PRTFDC1: variants seen among roughly 807,000 people sequenced by gnomAD.
The protein encoded by PRTFDC1 is phosphoribosyltransferase domain-containing protein 1.
In PRTFDC1, 38 loss-of-function variants were observed where a neutral mutation model predicts 34.6. That is an observed-to-expected ratio of 1.10 (90% CI 0.85 to 1.44). PRTFDC1 has a LOEUF of 1.44. PRTFDC1 is among the 40% of genes most tolerant of loss of function. PRTFDC1 has a pLI of 0.00. For synonymous variants in PRTFDC1, 93 were observed against 98.1 expected, an observed-to-expected ratio of 0.95 and a Z score of 0.31; for missense variants, 270 against 283.0, an observed-to-expected ratio of 0.95 and a Z score of 0.33.
At chr10:24,860,166 G>A (rs1847653302) in intron 4 of PRTFDC1, among the ~76,000 whole-genome samples, 1 of 152,132 alleles carries the variant, frequency 6.6e-6, no homozygotes, top group Non-Finnish European at 1.5e-5. Flanking sequence ...GATCACCTGA[G>A]GTCAGGAGTT....
At chr10:24,950,867 C>T (rs987924104) in intron 1 of PRTFDC1, among the ~76,000 whole-genome samples, 24 of 152,168 alleles carry the variant, frequency 1.6e-4, no homozygotes, top group African/African-American at 5.8e-4. Context: ...TGATGACTTC[C>T]AAATCTCTCC....
chr10:24,907,587 C>A (rs1428322078), intron 3 of PRTFDC1, among the ~76,000 whole-genome samples: 2 of 152,180 alleles, frequency 1.3e-5, no homozygotes, highest in Non-Finnish European at 2.9e-5. Context: ...CAGAGTGAGA[C>A]TCTGTCTCAA....
In PRTFDC1 at chr10:24,895,688, GATATATATATATATAT is replaced by G. The variant is rs762084915; in HGVS notation, c.340-23641_340-23626del. On this transcript the variant is annotated intron_variant, in intron 3 of 8. Transcript: ENST00000320152. ...ACCTAGGAGGGCAAGAGCTGGGGTG[GATATATATATATATAT>G]ATATATATATATATATATATATATC... Among the ~76,000 whole-genome samples, 472 of 47,414 alleles carry G rather than the reference GATATATATATATATAT, an allele frequency of 1.0e-2. 7 individuals are homozygous for G. Among genetic ancestry groups the G allele is most frequent in the African/African-American group, 0.02 (281 of 14,034 alleles). 31.1% of individuals were successfully genotyped at this position (47,414 alleles called of 152,430 possible). A position where few individuals can be genotyped will look rare whatever the true frequency, so the allele number is the denominator to read the frequency against.
In PRTFDC1 at chr10:24,945,133, A is replaced by C. The variant is rs545402628; in HGVS notation, c.49-2697T>G. 3.3e-5 allele frequency among the ~76,000 whole-genome samples: 5 copies of C among 152,246 alleles called. No homozygotes were observed. The South Asian group carries it at 1.0e-3, about 32-fold the overall frequency. ...TGCAAAGACGCCTTCCCTGACCTTC[A>C]TAGCCTGTTTTACCACTGGATGATG... On this transcript the variant is annotated intron_variant, in intron 1 of 8. Coordinates refer to ENST00000320152, the MANE Select transcript of PRTFDC1 (RefSeq NM_020200.7).
chr10:24,915,619 G>A (rs1848682985), intron 3 of PRTFDC1, among the ~76,000 whole-genome samples: 1 of 152,176 alleles, frequency 6.6e-6, no homozygotes, highest in South Asian at 2.1e-4. Flanking sequence ...CCCTTATCAA[G>A]GTCAACAACA....
rs578079021 is a variant in PRTFDC1, at chr10:24,879,491, G to A, written c.340-7428C>T. On this transcript the variant is annotated intron_variant, in intron 3 of 8. Transcript: ENST00000320152. ...CCCAAGTAACTGGGATTACAGGTGCGTGCCACCATGCCCGGCTGATTTTTT... is the reference window on the plus strand; with the variant it reads ...CCCAAGTAACTGGGATTACAGGTGCATGCCACCATGCCCGGCTGATTTTTT... 5.3e-5 allele frequency among the ~76,000 whole-genome samples: 8 copies of A among 152,122 alleles called. No homozygotes were observed. In the East Asian group the frequency reaches 1.2e-3, roughly 22 times the overall value.
At chr10:24,922,415 T>C (rs1295574209) in intron 3 of PRTFDC1, among the ~76,000 whole-genome samples, 1 of 152,232 alleles carries the variant, frequency 6.6e-6, no homozygotes, top group African/African-American at 2.4e-5. Context: ...CCTTGAATTG[T>C]AATAATCTCC....
intron 3 of PRTFDC1, among the ~76,000 whole-genome samples, chr10:24,936,289 CT>C (rs965013720): frequency 5.7e-4 from 82 of 145,086 alleles, no homozygotes; most frequent in Admixed American, 6.9e-4. Context: ...GAAACAACAG[CT>C]TTTTTTTTTT....
At chr10:24,942,615 T>C (rs1849181422) in intron 1 of PRTFDC1, among the ~76,000 whole-genome samples, 179 bp from the exon 2 acceptor site, 1 of 152,208 alleles carries the variant, frequency 6.6e-6, no homozygotes, top group African/African-American at 2.4e-5. Flanking sequence ...GAGCACTCCA[T>C]TCCCAACTAT....
At chr10:24,871,203 G>A (rs796318922) in intron 4 of PRTFDC1, among the ~76,000 whole-genome samples, 41 of 151,914 alleles carry the variant, frequency 2.7e-4, no homozygotes, top group African/African-American at 9.7e-4. Flanking sequence ...ACAAGTATGA[G>A]AGATTAAGCT....
Position 24,887,213 on chromosome 10 carries a change from A to G in PRTFDC1, c.340-15150T>C, listed in dbSNP as rs535445621. 2.4e-4 allele frequency among the ~76,000 whole-genome samples: 35 copies of G among 144,050 alleles called. No homozygotes were observed. The East Asian group carries it at 2.5e-3, about 10-fold the overall frequency. The allele number at this position is 144,050 out of a possible 152,430, so 94.5% of individuals were successfully genotyped here. A position where few individuals can be genotyped will look rare whatever the true frequency, so the allele number is the denominator to read the frequency against. On this transcript the variant is annotated intron_variant, in intron 3 of 8. Coordinates refer to ENST00000320152, the MANE Select transcript of PRTFDC1 (RefSeq NM_020200.7). ...TCTCGATCTCCTGACCTCATGATCC[A>G]CCCGCCTCGGCCTCCCAAAGTGCTG...
intron 1 of PRTFDC1, among the ~76,000 whole-genome samples, chr10:24,950,334 A>G (rs1255371053): frequency 6.6e-6 from 1 of 152,072 alleles, no homozygotes; most frequent in African/African-American, 2.4e-5. Context: ...TATTTGCATT[A>G]TACTTCCTGG....
chr10:24,951,741 A>G (rs903536934), intron 1 of PRTFDC1: 1 of 363,812 alleles, frequency 2.7e-6, no homozygotes, highest in African/African-American at 2.2e-5. Flanking sequence ...CGTGGCCACA[A>G]GGTCAAGAAC....
chr10:24,872,806 ATTTTTTT>A (rs66588467), intron 3 of PRTFDC1, among the ~76,000 whole-genome samples: 2 of 117,650 alleles, frequency 1.7e-5, no homozygotes, highest in African/African-American at 7.2e-5. Context: ...ATATATATAT[ATTTTTTT>A]TTTTTTTTTT....
intron 3 of PRTFDC1, among the ~76,000 whole-genome samples, chr10:24,883,101 A>G (rs1040846363): frequency 1.3e-5 from 2 of 148,324 alleles, no homozygotes. Context: ...GAATATAAAT[A>G]TAAATGTATT....
At chr10:24,884,630 A>T (rs1001220851) in intron 3 of PRTFDC1, among the ~76,000 whole-genome samples, 3 of 152,222 alleles carry the variant, frequency 2.0e-5, no homozygotes, top group African/African-American at 4.8e-5. Context: ...TTCTTTAGAA[A>T]GTTCTGTAAC....
intron 7 of PRTFDC1, among the ~76,000 whole-genome samples, chr10:24,854,789 A>C (rs1307096707): frequency 6.6e-6 from 1 of 152,124 alleles, no homozygotes; most frequent in African/African-American, 2.4e-5. Context: ...TTGGAGGTGA[A>C]GGGGAGCTGT....
chr10:24,921,218 T>C (rs1042471775), intron 3 of PRTFDC1, among the ~76,000 whole-genome samples: 2 of 152,224 alleles, frequency 1.3e-5, no homozygotes. Context: ...ATTATCTTAA[T>C]ATGAAGATGA....
At chr10:24,942,303 A>G in intron 2 of PRTFDC1, 27 bp downstream of exon 2, 6 of 1,571,598 alleles carry the variant, frequency 3.8e-6, no homozygotes, top group Non-Finnish European at 4.4e-6. Flanking sequence ...GTGCAGGACC[A>G]AGATTGACAC....
Sources: gnomAD v4.1 joint callset for allele counts (sites outside exome capture counted in the v4.1 genomes callset) on GRCh38, gnomAD v4.1.1 for gene constraint, MANE v1.5 for transcripts, NCBI Gene and HGNC (gene_info 2026-07-23, HGNC 2026-07-21) for gene names.